The following NPAS2 variants were observed in gnomAD, a reference collection of about 807,000 sequenced individuals.
The protein encoded by NPAS2 is neuronal PAS domain-containing protein 2.
In NPAS2, 23 loss-of-function variants were observed where a neutral mutation model predicts 107.5. That is an observed-to-expected ratio of 0.21 (90% CI 0.15 to 0.30). The LOEUF (loss-of-function observed/expected upper bound fraction) is 0.30. Ranked by LOEUF, NPAS2 falls within the 10% of genes least tolerant of loss-of-function variation. NPAS2 has a pLI of 1.00. For synonymous variants in NPAS2, 403 were observed against 417.5 expected, an observed-to-expected ratio of 0.97 and a Z score of 0.42; for missense variants, 756 against 1,043.3, an observed-to-expected ratio of 0.72 and a Z score of 3.79.
intron 1 of NPAS2, among the ~76,000 whole-genome samples, chr2:100,871,289 C>T (rs1253825656): frequency 6.6e-6 from 1 of 151,404 alleles, no homozygotes; most frequent in Admixed American, 6.6e-5. Context: ...CTTTAAGGTC[C>T]TGAGCTAGGA....
intron 1 of NPAS2, among the ~76,000 whole-genome samples, chr2:100,884,280 C>T (rs1178145647): frequency 1.3e-5 from 2 of 152,112 alleles, no homozygotes; most frequent in East Asian, 1.9e-4. Context: ...CATCTCCTCC[C>T]GTTGACCATA....
In NPAS2 at chr2:100,965,119, C is replaced by T. The variant is rs1037085654; in HGVS notation, c.800+176C>T. Among the ~76,000 whole-genome samples the T allele has an allele frequency of 6.6e-6, 1 of 152,172 alleles. No individual in the cohort carries two copies. The highest frequency in any genetic ancestry group is 6.5e-5 in the Admixed American group (1 of 15,278). ...GTGGTTTCCCTCCAACTTCATCTGC[C>T]CCATCGTGAATATGTTCTGTGTTTG... On this transcript the variant is annotated intron_variant, in intron 9 of 20. Coordinates refer to ENST00000335681, the MANE Select transcript of NPAS2 (RefSeq NM_002518.4). This position sits in a 1 kb window ranked among gnomAD's most constrained non-coding sequence, Gnocchi z 4.3.
At chr2:100,953,072 TTCTCAGGTTAAACCCTATAA>T (rs1221979110) in intron 7 of NPAS2, among the ~76,000 whole-genome samples, 3,108 of 148,268 alleles carry the variant, frequency 0.021, 158 homozygotes, top group South Asian at 0.045. Flanking sequence ...ACAAATGAAT[TTCTCAGGTTAAACCCTATAA>T]AGGCCAGATG....
At chr2:100,916,899 T>C (rs1350475994) in intron 2 of NPAS2, among the ~76,000 whole-genome samples, 1 of 152,094 alleles carries the variant, frequency 6.6e-6, no homozygotes, top group Non-Finnish European at 1.5e-5. Context: ...ATCTTGGAAA[T>C]TAAACAACAA....
chr2:100,975,515 C>T lies in NPAS2; in HGVS notation c.1340C>T (p.Thr447Ile). 6.2e-7 allele frequency: 1 copy of T among 1,613,360 alleles called. No homozygotes were observed. The highest frequency in any genetic ancestry group is 1.3e-5 in the African/African-American group (1 of 75,030). Residue 447 changes from threonine to isoleucine, a missense_variant, in exon 14 of 21, where the codon ACC (threonine) becomes ATC (isoleucine). This residue lies in a region of NPAS2 where 496 missense variants were observed against 594.4 expected (regional missense o/e 0.83). Transcript: ENST00000335681. Reference protein sequence around the residue: ...ASTPALPRSATLPQELPVPGL... With the variant: ...ASTPALPRSAILPQELPVPGL... ...ACCCCGGCTTTGCCAAGATCAGCCA[C>T]CCTGCCCCAAGAGTTACCTGTCCCC...
At chr2:100,955,328 C>T (rs1675504475) in intron 7 of NPAS2, among the ~76,000 whole-genome samples, 1 of 152,108 alleles carries the variant, frequency 6.6e-6, no homozygotes, top group African/African-American at 2.4e-5. Context: ...GGACAGCGAC[C>T]CTTACTGTAC....
At chr2:100,872,388 C>A (rs2104579093) in intron 1 of NPAS2, among the ~76,000 whole-genome samples, 1 of 152,294 alleles carries the variant, frequency 6.6e-6, no homozygotes, top group Non-Finnish European at 1.5e-5. Flanking sequence ...ACCATGCCTG[C>A]AACCTAGGAA....
At chr2:100,923,697 C>G (rs1683385962) in intron 2 of NPAS2, among the ~76,000 whole-genome samples, 1 of 152,090 alleles carries the variant, frequency 6.6e-6, no homozygotes, top group Non-Finnish European at 1.5e-5. Flanking sequence ...CCTCTGGGGC[C>G]CCTGTTCTCT....
At chr2:100,879,808 C>A (rs902755879) in intron 1 of NPAS2, among the ~76,000 whole-genome samples, 3 of 152,184 alleles carry the variant, frequency 2.0e-5, no homozygotes, top group African/African-American at 7.2e-5. Flanking sequence ...CAACAAGGGA[C>A]AAGATGTGTC....
chr2:100,878,396 A>G (rs546472523), intron 1 of NPAS2: 2 of 985,440 alleles, frequency 2.0e-6, no homozygotes, highest in South Asian at 9.4e-5. Context: ...GGACCTGGAA[A>G]ACCAGCAGTT....
At chr2:100,820,037 A>AGGAGGAGGGTGGGGGTAGGAGGG (rs2104289276), upstream of NPAS2, 3 of 120,952 alleles carry the variant, frequency 2.5e-5, no homozygotes, top group South Asian at 5.7e-4. This position sits in a 1 kb window ranked among gnomAD's most constrained non-coding sequence, Gnocchi z 5.6. Context: ...CGAGGGGAGG[A>AGGAGGAGGGTGGGGGTAGGAGGG]GGAGGAGGGT....
At chr2:100,904,041 GCT>G (rs1333474180) in intron 1 of NPAS2, among the ~76,000 whole-genome samples, 1 of 152,132 alleles carries the variant, frequency 6.6e-6, no homozygotes, top group African/African-American at 2.4e-5. Context: ...GTGCACCTTC[GCT>G]GTCTCAAGGA....
intron 2 of NPAS2, among the ~76,000 whole-genome samples, chr2:100,912,253 T>TTTA (rs149103825): frequency 3.0e-5 from 2 of 67,222 alleles, no homozygotes; most frequent in East Asian, 6.4e-4. Context: ...TATTTATTTA[T>TTTA]TTATTATTAT....
chr2:100,925,272 C>T lies in NPAS2; in HGVS notation c.159C>T (p.Ile53=), dbSNP rs370264159. ...MDKTTVLEKV[I]GFLQKHNEVS... is the part of the protein sequence containing the mutation. ...AAACCACCGTGTTGGAAAAGGTCAT[C>T]GGATTTTTGCAGAAACACAATGGTA... is the stretch of plus-strand genomic sequence containing the variant. Residue 53 remains isoleucine (I), a synonymous_variant, in exon 3 of 21, where the codon ATC becomes ATT. Transcript: ENST00000335681. 1.5e-5 allele frequency: 24 copies of T among 1,614,094 alleles called. 1 individual carries two copies. Among genetic ancestry groups the T allele is most frequent in the South Asian group, 1.4e-4 (13 of 91,070 alleles).
chr2:100,992,881 T>C (rs941073088), intron 19 of NPAS2, among the ~76,000 whole-genome samples: 1 of 146,822 alleles, frequency 6.8e-6, no homozygotes, highest in African/African-American at 2.5e-5. Context: ...TGGGCTGCCT[T>C]TTCCCTCTGT....
In NPAS2 at chr2:100,974,785, TTGA is replaced by T. The variant is rs1467845899; in HGVS notation, c.1141-15_1141-13del. The T allele has an allele frequency of 3.1e-6, 5 of 1,612,192 alleles. No individual in the cohort carries two copies. Among genetic ancestry groups the T allele is most frequent in the Middle Eastern group, 1.7e-4 (1 of 6,046 alleles). On this transcript the variant is annotated splice_polypyrimidine_tract_variant and intron_variant, in intron 12 of 20. Coordinates refer to ENST00000335681, the MANE Select transcript of NPAS2 (RefSeq NM_002518.4). ...CTCTTGATGCTGACATGAGGACTGT[TTGA>T]TGTGTGTGTTTCAGGACAAGGGCTC...
At chr2:100,916,342 A>T (rs1682879944) in intron 2 of NPAS2, among the ~76,000 whole-genome samples, 1 of 152,194 alleles carries the variant, frequency 6.6e-6, no homozygotes, top group Admixed American at 6.5e-5. Context: ...ACCTAAATAT[A>T]TGCTGTCTAC....
intron 3 of NPAS2, among the ~76,000 whole-genome samples, chr2:100,927,186 G>A (rs540147955): frequency 4.0e-5 from 6 of 151,764 alleles, no homozygotes; most frequent in South Asian, 4.2e-4. Context: ...CACCCGCCCC[G>A]GCCTCCCAAA....
chr2:100,988,514 G>C, intron 17 of NPAS2: 1 of 527,962 alleles, frequency 1.9e-6, no homozygotes. Flanking sequence ...TCAGTCCCTT[G>C]CTCTCGTGCT....
Sources: allele counts gnomAD v4.1 joint callset (sites outside exome capture counted in the v4.1 genomes callset), GRCh38; gene constraint gnomAD v4.1.1; regional missense constraint gnomAD v4.1.1; non-coding constraint Gnocchi (gnomAD v3.1); transcripts MANE v1.5; gene names NCBI Gene and HGNC (gene_info 2026-07-23, HGNC 2026-07-21).